DACH1: variants seen among roughly 807,000 people sequenced by gnomAD.
DACH1 encodes the protein dachshund family transcription factor 1, also known as dachshund homolog 1.
In DACH1, 12 loss-of-function variants were observed where a neutral mutation model predicts 54.2. The ratio of observed to expected loss-of-function variants is 0.22; its 90% CI spans 0.14 to 0.36. The LOEUF (loss-of-function observed/expected upper bound fraction) is 0.36, where lower values mean the gene tolerates loss of function less well. Ranked by LOEUF, DACH1 falls within the 10% of genes least tolerant of loss-of-function variation. The pLI, the probability that DACH1 is intolerant of heterozygous loss-of-function variation, is 1.00. For missense variants in DACH1, 805 were observed against 929.8 expected (o/e 0.87, Z 1.75); for synonymous variants, 386 against 366.2 (o/e 1.05, Z -0.62).
intron 1 of DACH1, among the ~76,000 whole-genome samples, chr13:71,752,963 G>A (rs1291378993): frequency 6.6e-6 from 1 of 152,138 alleles, no homozygotes; most frequent in Non-Finnish European, 1.5e-5. Context: ...ATCAGGACAG[G>A]CAGCAGGTGT....
At position 71,865,198 on chromosome 13, in the gene DACH1, G is replaced by A. The variant is rs559823755; in HGVS notation, c.848+724C>T. Among the ~76,000 whole-genome samples, 3 of 152,152 alleles carry A rather than the reference G, an allele frequency of 2.0e-5. No individual in the cohort carries two copies. The East Asian group carries it at 5.9e-4, about 30-fold the overall frequency. ...CGCACTCGCTCACACGCGGACACAC[G>A]CACACATGCGCGAACACACAGACCC... On this transcript the variant is annotated intron_variant, in intron 1 of 10. Coordinates refer to ENST00000613252, the MANE Select transcript of DACH1 (RefSeq NM_080759.6).
At chr13:71,704,543 C>T (rs1465536129) in intron 1 of DACH1, 4 of 434,166 alleles carry the variant, frequency 9.2e-6, no homozygotes, top group Non-Finnish European at 1.4e-5. Flanking sequence ...GAGAAACATA[C>T]CTGGGTGCAA....
In DACH1 at chr13:71,740,476, A is replaced by G. The variant is rs77784819; in HGVS notation, c.849-58566T>C. On this transcript the variant is annotated intron_variant, in intron 1 of 10. Coordinates refer to ENST00000613252, the MANE Select transcript of DACH1 (RefSeq NM_080759.6). ...AAAGCAGATAATGTTTTAAATTTAA[A>G]GATCACATAGAAATCAAACCTTGGC... 3.3e-3 allele frequency among the ~76,000 whole-genome samples: 507 copies of G among 152,332 alleles called. 2 individuals carry two copies. Among genetic ancestry groups the G allele is most frequent in the African/African-American group, 0.012 (482 of 41,586 alleles).
chr13:71,850,608 CAT>C lies in DACH1; in HGVS notation c.848+15312_848+15313del, dbSNP rs562053937. Among the ~76,000 whole-genome samples, 240 of 152,296 alleles carry C rather than the reference CAT, an allele frequency of 1.6e-3. 1 individual carries two copies. The highest frequency in any genetic ancestry group is 3.4e-3 in the Middle Eastern group (1 of 294). On this transcript the variant is annotated intron_variant, in intron 1 of 10. Coordinates refer to ENST00000613252, the MANE Select transcript of DACH1 (RefSeq NM_080759.6). The stretch of plus-strand genomic sequence containing the variant: ...CACTATTAAAAGTTTAAAAACCACA[CAT>C]GATTCAGTACAAAAATGTTGAGGAG...
chr13:71,802,451 T>A (rs140562531), intron 1 of DACH1, among the ~76,000 whole-genome samples: 2 of 152,126 alleles, frequency 1.3e-5, no homozygotes, highest in African/African-American at 4.8e-5. Context: ...TCTGTTCTGG[T>A]GGAATTAAAT....
chr13:71,618,591 G>A (rs1267482250), intron 3 of DACH1, among the ~76,000 whole-genome samples: 1 of 151,706 alleles, frequency 6.6e-6, no homozygotes, highest in East Asian at 1.9e-4. Flanking sequence ...AGTAGAATGT[G>A]CAAGTGTACT....
intron 1 of DACH1, among the ~76,000 whole-genome samples, chr13:71,779,991 A>C (rs533133664): frequency 1.6e-4 from 24 of 152,016 alleles, no homozygotes; most frequent in African/African-American, 5.8e-4. Flanking sequence ...CTTCAAAAAC[A>C]TCCTATGAAG....
intron 6 of DACH1, among the ~76,000 whole-genome samples, chr13:71,529,086 G>A (rs1172079220): frequency 6.6e-6 from 1 of 151,866 alleles, no homozygotes; most frequent in Non-Finnish European, 1.5e-5. Context: ...CACATGGTAA[G>A]GGAAATGCAA....
At chr13:71,620,605 G>A (rs1463737081) in intron 3 of DACH1, among the ~76,000 whole-genome samples, 2 of 151,830 alleles carry the variant, frequency 1.3e-5, no homozygotes, top group African/African-American at 4.8e-5. Flanking sequence ...ATTAAATAAT[G>A]TCATAACACT....
intron 1 of DACH1, among the ~76,000 whole-genome samples, chr13:71,831,836 C>T (rs1228957654): frequency 6.6e-6 from 1 of 151,572 alleles, no homozygotes; most frequent in African/African-American, 2.4e-5. Flanking sequence ...ATTTTTTTTG[C>T]AAACACACAC....
At chr13:71,757,552 C>G (rs1184237805) in intron 1 of DACH1, among the ~76,000 whole-genome samples, 3 of 139,922 alleles carry the variant, frequency 2.1e-5, no homozygotes, top group African/African-American at 5.4e-5. Flanking sequence ...GAGACAGAGT[C>G]TTGCTCTGTC....
At chr13:71,761,889 A>G (rs1885414474) in intron 1 of DACH1, among the ~76,000 whole-genome samples, 1 of 152,170 alleles carries the variant, frequency 6.6e-6, no homozygotes, top group Non-Finnish European at 1.5e-5. Flanking sequence ...ATTAATAAAT[A>G]TATCTAAAAC....
chr13:71,603,080 C>A (rs1391682913), intron 3 of DACH1, among the ~76,000 whole-genome samples: 1 of 151,876 alleles, frequency 6.6e-6, no homozygotes, highest in Non-Finnish European at 1.5e-5. Context: ...AGATCAGTTT[C>A]TCTGTTTAAT....
In DACH1 at chr13:71,786,280, T is replaced by C. The variant is rs189083403; in HGVS notation, c.848+79642A>G. ...TCAAACAATAAACATGCCTTGTGTA[T>C]TATAGATCGATATAGCTTCTATATT... On this transcript the variant is annotated intron_variant, in intron 1 of 10. Transcript: ENST00000613252. Among the ~76,000 whole-genome samples, 123 of 152,290 alleles carry C rather than the reference T, an allele frequency of 8.1e-4. 1 individual carries two copies. The highest frequency in any genetic ancestry group is 3.4e-3 in the Middle Eastern group (1 of 294).
intron 6 of DACH1, among the ~76,000 whole-genome samples, chr13:71,542,981 A>AAAT (rs1487314317): frequency 6.6e-6 from 1 of 152,168 alleles, no homozygotes; most frequent in Non-Finnish European, 1.5e-5. Context: ...CAGCAAAATA[A>AAAT]AATACATTCA....
At chr13:71,511,131 A>C (rs927469391) in intron 6 of DACH1, among the ~76,000 whole-genome samples, 43 of 152,068 alleles carry the variant, frequency 2.8e-4, no homozygotes, top group African/African-American at 1.0e-3. Context: ...CTAACAAGGG[A>C]GGTCCATTAC....
At chr13:71,571,368 C>A (rs1467957216) in intron 4 of DACH1, among the ~76,000 whole-genome samples, 2 of 152,254 alleles carry the variant, frequency 1.3e-5, no homozygotes, top group East Asian at 3.9e-4. Flanking sequence ...GTGAGGCAAT[C>A]AGAGTGCTGA....
intron 6 of DACH1, among the ~76,000 whole-genome samples, chr13:71,526,883 C>T (rs1275301608): frequency 1.3e-5 from 2 of 151,710 alleles, no homozygotes; most frequent in Non-Finnish European, 2.9e-5. Flanking sequence ...TGAAGTCTTC[C>T]TGAGCTGTCT....
intron 2 of DACH1, among the ~76,000 whole-genome samples, chr13:71,672,508 G>C (rs973722640): frequency 6.6e-6 from 1 of 152,066 alleles, no homozygotes; most frequent in African/African-American, 2.4e-5. Context: ...ACATTTTATG[G>C]TTAAATCTTT....
Sources: gnomAD v4.1 joint callset for allele counts (sites outside exome capture counted in the v4.1 genomes callset) on GRCh38, gnomAD v4.1.1 for gene constraint, MANE v1.5 for transcripts, NCBI Gene and HGNC (gene_info 2026-07-23, HGNC 2026-07-21) for gene names.